The following COL4A5 variants were observed in gnomAD, a reference collection of about 807,000 sequenced individuals.
The protein encoded by COL4A5 is collagen alpha-5(IV) chain.
In COL4A5, 26 loss-of-function variants were observed where a neutral mutation model predicts 130.2. The ratio of observed to expected loss-of-function variants is 0.20; its 90% confidence interval spans 0.15 to 0.28. The LOEUF is 0.28. Among genes scored for constraint, COL4A5 ranks in the 10% least tolerant of loss-of-function variants. COL4A5 has a pLI of 1.00. For synonymous variants in COL4A5, 496 were observed against 439.6 expected, an observed-to-expected ratio of 1.13 and a Z score of -1.60; for missense variants, 1,131 against 1,344.3, an observed-to-expected ratio of 0.84 and a Z score of 2.48.
chrX:108,600,642 T>TTAGATAGA (rs138215716), intron 25 of COL4A5, among the ~76,000 whole-genome samples: 8 of 96,776 alleles, frequency 8.3e-5, no homozygotes, highest in South Asian at 5.6e-4. Context: ...GATGGGTAGA[T>TTAGATAGA]TAGATAGATA....
chrX:108,472,369 T>C (rs1285631883), intron 1 of COL4A5, among the ~76,000 whole-genome samples: 1 of 112,118 alleles, frequency 8.9e-6, no homozygotes, highest in African/African-American at 3.2e-5. Flanking sequence ...TCAAGACTTC[T>C]GTTTCCTTAT....
At chrX:108,552,154 A>T (rs2065762199) in intron 2 of COL4A5, among the ~76,000 whole-genome samples, 1 of 111,396 alleles carries the variant, frequency 9.0e-6, no homozygotes, top group Admixed American at 9.5e-5. Context: ...CCTCAGTGAC[A>T]TGCAATTTAC....
intron 38 of COL4A5, among the ~76,000 whole-genome samples, chrX:108,666,215 C>T (rs936188407): frequency 2.7e-5 from 3 of 111,547 alleles, no homozygotes; most frequent in South Asian, 3.8e-4. Flanking sequence ...AATAACTTCT[C>T]TTGGCCCCAT....
chrX:108,510,782 T>C (rs987137934), intron 1 of COL4A5, among the ~76,000 whole-genome samples: 21 of 111,885 alleles, frequency 1.9e-4, no homozygotes, highest in African/African-American at 6.8e-4. Flanking sequence ...TTTTTGGTTT[T>C]GCTTTAGTTC....
intron 1 of COL4A5, among the ~76,000 whole-genome samples, chrX:108,507,273 A>G (rs2065134906): frequency 9.1e-6 from 1 of 109,456 alleles, no homozygotes; most frequent in Admixed American, 9.7e-5. Flanking sequence ...AAAAAAAAAA[A>G]AAGAAAACTT....
Position 108,602,948 on chromosome X carries a change from A to T in COL4A5, c.2147-16A>T. 9.0e-7 allele frequency: 1 copy of T among 1,110,699 alleles called. No individual in the cohort carries two copies. Among genetic ancestry groups the T allele is most frequent in the Non-Finnish European group, 1.2e-6 (1 of 816,068 alleles). The allele number at this position is 1,110,699 out of a possible 1,213,427, so 91.5% of individuals were successfully genotyped here. On this transcript the variant is annotated splice_polypyrimidine_tract_variant and intron_variant, in intron 27 of 52. Coordinates refer to ENST00000328300, the MANE Select transcript of COL4A5 (RefSeq NM_033380.3). ...CCTTTCCTTTGGTGGTTAAAAAATG[A>T]CTTATCATTTTACAGGCTTTCCTGG...
intron 1 of COL4A5, among the ~76,000 whole-genome samples, chrX:108,472,227 A>T (rs2064779269): frequency 9.0e-6 from 1 of 110,974 alleles, no homozygotes; most frequent in Admixed American, 9.6e-5. Context: ...TCAGTTTTTG[A>T]TATTTTTTCA....
intron 1 of COL4A5, among the ~76,000 whole-genome samples, chrX:108,475,435 T>C (rs1459744303): frequency 1.8e-5 from 2 of 111,513 alleles, no homozygotes; most frequent in Non-Finnish European, 3.8e-5. Context: ...TTCCGTGCCT[T>C]GTTAAACTAG....
chrX:108,561,517 G>T (rs373810394), intron 3 of COL4A5, among the ~76,000 whole-genome samples: 7 of 103,605 alleles, frequency 6.8e-5, no homozygotes, highest in African/African-American at 2.4e-4. Context: ...AATTTTCTGG[G>T]TTTTTTTTTT....
Position 108,606,769 on chromosome X carries a change from C to A in COL4A5, c.2272C>A (p.Pro758Thr). Residue 758 changes from proline (P) to threonine (T), a missense_variant, in exon 29 of 53, where the codon CCA (proline) becomes ACA (threonine). By Grantham distance (38) the Pro-to-Thr change is conservative (BLOSUM62 -1). Transcript: ENST00000328300. ...KGEPGFALPG[P>T]PGPPGLPGFK... ...TGAACCAGGATTTGCATTACCTGGG[C>A]CACCTGGGCCACCAGGACTTCCAGG... 1.7e-6 allele frequency: 2 copies of A among 1,210,752 alleles called. No homozygotes were observed. The highest frequency in any genetic ancestry group is 1.8e-5 in the South Asian group (1 of 56,940).
rs1269572121 is a variant in COL4A5 at position 108,500,444 on chromosome X, C to T, written c.82-39302C>T. ...CTTTCATTTAGAGCATTGAAGGCTA[C>T]GCAACGTCAGGTGACACTGGAAGAA... On this transcript the variant is annotated intron_variant, in intron 1 of 52. Coordinates refer to ENST00000328300, the MANE Select transcript of COL4A5 (RefSeq NM_033380.3). Among the ~76,000 whole-genome samples the T allele has an allele frequency of 6.3e-5, 7 of 111,893 alleles. No individual in the cohort carries two copies. The South Asian group carries it at 1.1e-3, about 18-fold the overall frequency.
chrX:108,448,023 C>T (rs16985492), intron 1 of COL4A5, among the ~76,000 whole-genome samples: 2,434 of 111,623 alleles, frequency 0.022, 63 homozygotes, highest in Admixed American at 0.11. Flanking sequence ...AACTTATTTA[C>T]CTCCATAGTC....
At chrX:108,591,937 C>T (rs1328456018) in intron 21 of COL4A5, among the ~76,000 whole-genome samples, 1 of 111,493 alleles carries the variant, frequency 9.0e-6, no homozygotes, top group Non-Finnish European at 1.9e-5. Flanking sequence ...GTCCTTTCTT[C>T]CCTCTTAACC....
chrX:108,469,166 TCTC>T (rs1377773008), intron 1 of COL4A5, among the ~76,000 whole-genome samples: 2 of 83,373 alleles, frequency 2.4e-5, no homozygotes, highest in African/African-American at 8.1e-5. Flanking sequence ...TCTCTCTCTC[TCTC>T]TTTTTTTTTT....
intron 8 of COL4A5, among the ~76,000 whole-genome samples, chrX:108,573,178 C>T (rs2066093306): frequency 9.2e-6 from 1 of 109,234 alleles, no homozygotes; most frequent in Admixed American, 9.8e-5. Context: ...TTAATATTCA[C>T]AGCCCTTGAT....
At chrX:108,526,654 T>TTC (rs1377087358) in intron 1 of COL4A5, among the ~76,000 whole-genome samples, 3 of 63,386 alleles carry the variant, frequency 4.7e-5, no homozygotes, top group Admixed American at 1.7e-4. Context: ...CTTTCTTTCT[T>TTC]TCTTTCTTCT....
intron 1 of COL4A5, among the ~76,000 whole-genome samples, chrX:108,524,081 C>T (rs1004845184): frequency 6.6e-4 from 73 of 111,295 alleles, no homozygotes; most frequent in African/African-American, 2.4e-3. Flanking sequence ...TGTATCAAAA[C>T]ATCTCATATA....
chrX:108,459,218 A>T (rs923185406), intron 1 of COL4A5, among the ~76,000 whole-genome samples: 1 of 110,791 alleles, frequency 9.0e-6, no homozygotes, highest in African/African-American at 3.3e-5. Context: ...TAGCTCTTTC[A>T]TGGATTATTT....
At chrX:108,647,461 T>G (rs1372626893) in intron 36 of COL4A5, among the ~76,000 whole-genome samples, 2 of 111,854 alleles carry the variant, frequency 1.8e-5, no homozygotes, top group East Asian at 5.6e-4. Flanking sequence ...AAGTTGCTTA[T>G]CAGCTTAAGG....
Sources: gnomAD v4.1 joint callset for allele counts (sites outside exome capture counted in the v4.1 genomes callset) on GRCh38, gnomAD v4.1.1 for gene constraint, MANE v1.5 for transcripts, NCBI Gene and HGNC (gene_info 2026-07-23, HGNC 2026-07-21) for gene names.